ANK3: variants seen among roughly 807,000 people sequenced by gnomAD.
ANK3 encodes ankyrin 3.
Under a neutral mutation model 370.9 loss-of-function variants are expected in ANK3, and 57 were observed. That is an observed-to-expected ratio of 0.15 (90% CI 0.12 to 0.19). The LOEUF is 0.19. ANK3 is among the 10% of genes least tolerant of loss of function. The pLI is 1.00. For synonymous variants in ANK3, 1,929 were observed against 1,946.3 expected (o/e 0.99, Z 0.23); for missense variants, 4,439 against 5,302.1 (o/e 0.84, Z 5.06).
At chr10:60,521,471 G>T (rs995541972) in intron 2 of ANK3, among the ~76,000 whole-genome samples, 5 of 152,064 alleles carry the variant, frequency 3.3e-5, no homozygotes, top group Non-Finnish European at 2.9e-5. Flanking sequence ...TTTAAATAAA[G>T]CCTGGAGTTC....
intron 2 of ANK3, among the ~76,000 whole-genome samples, chr10:60,546,509 TAAA>T (rs1367658293): frequency 6.6e-6 from 1 of 152,210 alleles, no homozygotes; most frequent in African/African-American, 2.4e-5. Context: ...AAATTTAAGG[TAAA>T]TACTAGGAGT....
chr10:60,684,426 G>A, intron 1 of ANK3: 1 of 797,274 alleles, frequency 1.3e-6, no homozygotes, highest in South Asian at 1.8e-5. Context: ...CAATCTTATA[G>A]TTGGATCACC....
intron 23 of ANK3, among the ~76,000 whole-genome samples, chr10:60,162,711 C>G (rs753032968): frequency 1.3e-5 from 2 of 151,984 alleles, no homozygotes; most frequent in Non-Finnish European, 2.9e-5. Flanking sequence ...TTTTTCAGCC[C>G]TATCAAATTT....
rs1160494000 is a variant in ANK3 at position 60,026,387 on chromosome 10, A to C, written c.*3459T>G. 1.3e-5 allele frequency: 2 copies of C among 152,220 alleles called. No individual in the cohort carries two copies. Among genetic ancestry groups the C allele is most frequent in the African/African-American group, 4.8e-5 (2 of 41,454 alleles). 9.4% of individuals were successfully genotyped at this position (152,220 alleles called of 1,614,324 possible). On this transcript the variant is annotated 3_prime_UTR_variant, in exon 44 of 44. Coordinates refer to ENST00000280772, the MANE Select transcript of ANK3 (RefSeq NM_020987.5). ...GTGTGATATGCCTGGGAAATTACAC[A>C]CCTTGTAATATGTCACAGCCTCTTC...
chr10:60,141,099 G>A (rs528870361), intron 23 of ANK3: 43 of 895,516 alleles, frequency 4.8e-5, no homozygotes, highest in Admixed American at 3.7e-4. Context: ...CTGCCCTTGA[G>A]TTGAGGTTGT....
chr10:60,627,247 T>C (rs546140142), intron 1 of ANK3, among the ~76,000 whole-genome samples: 1 of 152,120 alleles, frequency 6.6e-6, no homozygotes, highest in African/African-American at 2.4e-5. Context: ...ACATAGCAAA[T>C]CAAACTGCAA....
At chr10:60,104,405 G>GAAAAGA (rs748365310) in intron 28 of ANK3, among the ~76,000 whole-genome samples, 36 of 88,152 alleles carry the variant, frequency 4.1e-4, no homozygotes, top group African/African-American at 2.0e-3. Context: ...AACAAAGAAA[G>GAAAAGA]AAAGAAAAGA....
chr10:60,545,721 A>G (rs1040149559), intron 2 of ANK3, among the ~76,000 whole-genome samples: 1 of 152,230 alleles, frequency 6.6e-6, no homozygotes, highest in Non-Finnish European at 1.5e-5. Flanking sequence ...ATAGACATAC[A>G]GAGGGCACTA....
chr10:60,051,517 C>A, intron 42 of ANK3: 1 of 985,558 alleles, frequency 1.0e-6, no homozygotes, highest in Non-Finnish European at 1.2e-6. Context: ...TAGTGACTCT[C>A]CGCTCTTCCT....
intron 23 of ANK3, among the ~76,000 whole-genome samples, chr10:60,141,349 G>A (rs1395415489): frequency 6.6e-6 from 1 of 152,044 alleles, no homozygotes; most frequent in Non-Finnish European, 1.5e-5. Flanking sequence ...AAAGCAAAGG[G>A]AGAACTGGGG....
intron 7 of ANK3, among the ~76,000 whole-genome samples, chr10:60,244,177 C>T (rs1235027117): frequency 6.6e-6 from 1 of 151,990 alleles, no homozygotes; most frequent in African/African-American, 2.4e-5. Context: ...CTGCAACTGC[C>T]CAAAGTGAAA....
At position 60,311,278 on chromosome 10, in the gene ANK3, C is replaced by G. The variant is rs575671378; in HGVS notation, c.115-31639G>C. Among the ~76,000 whole-genome samples, 14 of 152,276 alleles carry G rather than the reference C, an allele frequency of 9.2e-5. No homozygotes were observed. The East Asian group carries it at 2.7e-3, about 29-fold the overall frequency. ...ATGAAACTTTGTCCTCAGATGGGTA[C>G]TGCCGAACTAGCCATCAAGAAAGGG... is the stretch of plus-strand genomic sequence containing the variant. On this transcript the variant is annotated intron_variant, in intron 1 of 43. Coordinates refer to ENST00000280772, the MANE Select transcript of ANK3 (RefSeq NM_020987.5).
chr10:60,263,365 C>T lies in ANK3; in HGVS notation c.699+470G>A, dbSNP rs188838326. Reference sequence around the variant, plus strand: ...TTCCGTCACAGAGACTTTCAGGTACCACATGTCAAGACGATGGGAATTTTT... The same window carrying T: ...TTCCGTCACAGAGACTTTCAGGTACTACATGTCAAGACGATGGGAATTTTT... On this transcript the variant is annotated intron_variant, in intron 6 of 43. Coordinates refer to ENST00000280772, the MANE Select transcript of ANK3 (RefSeq NM_020987.5). Among the ~76,000 whole-genome samples, 25 of 152,288 alleles carry T rather than the reference C, an allele frequency of 1.6e-4. No individual in the cohort carries two copies. In the East Asian group the frequency reaches 3.5e-3, roughly 21 times the overall value.
intron 1 of ANK3, among the ~76,000 whole-genome samples, chr10:60,646,811 T>A (rs980777797): frequency 6.6e-6 from 1 of 152,070 alleles, no homozygotes; most frequent in South Asian, 2.1e-4. Context: ...GAGACCCCAG[T>A]GTAGAAGTTG....
At chr10:60,145,634 G>T (rs115364821) in intron 23 of ANK3, among the ~76,000 whole-genome samples, 2,290 of 152,200 alleles carry the variant, frequency 0.015, 59 homozygotes, top group African/African-American at 0.05. Context: ...ACACAGTTTA[G>T]AGTGGTGGAA....
Position 60,186,868 on chromosome 10 carries a change from C to T in ANK3, c.1932G>A (p.Met644Ile). 1.2e-6 allele frequency: 2 copies of T among 1,614,164 alleles called. No homozygotes were observed. Among genetic ancestry groups the T allele is most frequent in the Non-Finnish European group, 1.7e-6 (2 of 1,180,014 alleles). ...PLHIAAKKNQ[M>I]DIATTLLEYG... Reference sequence around the variant, plus strand: ...ATTCCAGCAGAGTTGTCGCTATGTCCATCTGGTTCTTTTTGGCAGCGATGT... The same window carrying T: ...ATTCCAGCAGAGTTGTCGCTATGTCTATCTGGTTCTTTTTGGCAGCGATGT... Residue 644 changes from methionine to isoleucine, a missense_variant, in exon 17 of 44, where the codon ATG (methionine) becomes ATA (isoleucine). Around this residue, in one of 13 missense-constraint regions of ANK3, gnomAD observed 192 missense variants for 192.1 expected, o/e 1.00. Transcript: ENST00000280772.
intron 16 of ANK3, 103 bp from the exon 17 acceptor site, chr10:60,187,015 T>G: frequency 8.7e-7 from 1 of 1,149,556 alleles, no homozygotes. Flanking sequence ...TTTCTATGAT[T>G]GCTTAAGAAA....
At position 60,075,083 on chromosome 10, in the gene ANK3, A is replaced by G; in HGVS notation, c.5798T>C (p.Leu1933Pro). 1 of 1,613,940 alleles carries G rather than the reference A, an allele frequency of 6.2e-7. No homozygotes were observed. The highest frequency in any genetic ancestry group is 8.5e-7 in the Non-Finnish European group (1 of 1,179,992). Residue 1933 changes from leucine to proline, a missense_variant, in exon 37 of 44, where the codon CTC becomes CCC. Physicochemically the swap from Leu to Pro is moderately conservative, Grantham distance 98 (BLOSUM62 -3). Transcript: ENST00000280772. Reference protein sequence around the residue: ...VPEEKPFQPELPKEGRIDDEE... With the variant: ...VPEEKPFQPEPPKEGRIDDEE... ...ATCATCTATTCTCCCTTCCTTTGGG[A>G]GTTCAGGTTGGAATGGCTTCTCCTC...
At chr10:60,394,582 G>C (rs1365007873), upstream of ANK3, among the ~76,000 whole-genome samples, 1 of 152,168 alleles carries the variant, frequency 6.6e-6, no homozygotes, top group Admixed American at 6.5e-5. Flanking sequence ...AGGCACATGA[G>C]GAGGCTTCCC....
Sources: allele counts gnomAD v4.1 joint callset (sites outside exome capture counted in the v4.1 genomes callset), GRCh38; gene constraint gnomAD v4.1.1; regional missense constraint gnomAD v4.1.1; transcripts MANE v1.5; gene names NCBI Gene and HGNC (gene_info 2026-07-23, HGNC 2026-07-21).